The following THBS4 variants were observed in gnomAD, a reference collection of about 807,000 sequenced individuals.
The protein encoded by THBS4 is thrombospondin 4.
In THBS4, 90 loss-of-function variants were observed where a neutral mutation model predicts 115.7. The observed-to-expected ratio is 0.78, with a 90% CI of 0.66 to 0.93. The LOEUF (loss-of-function observed/expected upper bound fraction) is 0.93. THBS4 is among the 40% of genes least tolerant of loss of function. The pLI is 0.00. For missense variants in THBS4, 1,087 were observed against 1,232.7 expected, an observed-to-expected ratio of 0.88 and a Z score of 1.77; for synonymous variants, 460 against 479.3, an observed-to-expected ratio of 0.96 and a Z score of 0.53.
chr5:80,020,152 C>T (rs1561295776), intron 2 of THBS4, among the ~76,000 whole-genome samples: 1 of 152,172 alleles, frequency 6.6e-6, no homozygotes, highest in African/African-American at 2.4e-5. Context: ...GAAGGGTCCC[C>T]TCTTCCAAGG....
intron 9 of THBS4, among the ~76,000 whole-genome samples, chr5:80,066,132 A>T (rs958475388): frequency 6.6e-6 from 1 of 150,726 alleles, no homozygotes; most frequent in African/African-American, 2.4e-5. Context: ...AAAACTTTTC[A>T]TTGTATTAAA....
intron 2 of THBS4, among the ~76,000 whole-genome samples, chr5:80,007,139 G>A (rs1832034834): frequency 6.6e-6 from 1 of 152,182 alleles, no homozygotes; most frequent in Non-Finnish European, 1.5e-5. Context: ...ATAAAGCTTA[G>A]GAGTGTTCAT....
intron 1 of THBS4, among the ~76,000 whole-genome samples, chr5:80,038,403 T>C (rs144244377): frequency 0.01 from 1,529 of 152,302 alleles, 106 homozygotes; most frequent in Admixed American, 0.085. Flanking sequence ...TAGGTAGTAT[T>C]CTGCTTTTTG....
At chr5:80,057,625 G>A (rs922362847) in intron 3 of THBS4, among the ~76,000 whole-genome samples, 1 of 152,128 alleles carries the variant, frequency 6.6e-6, no homozygotes, top group Non-Finnish European at 1.5e-5. Flanking sequence ...GTTGTATATA[G>A]ATATAATAAA....
At chr5:80,009,559 C>G (rs1215976859) in intron 2 of THBS4, among the ~76,000 whole-genome samples, 6 of 152,002 alleles carry the variant, frequency 3.9e-5, no homozygotes, top group Non-Finnish European at 8.8e-5. Flanking sequence ...ATTCCTTCCT[C>G]CAAGGAATTT....
chr5:80,070,241 T>A (rs1833984746), intron 10 of THBS4, 65 bp from the exon 11 acceptor site: 1 of 1,410,026 alleles, frequency 7.1e-7, no homozygotes, highest in Non-Finnish European at 9.6e-7. Context: ...AGAGAGGCCC[T>A]TGTCAGCCAC....
At chr5:80,030,941 A>G (rs987966387), upstream of THBS4, among the ~76,000 whole-genome samples, 2 of 152,184 alleles carry the variant, frequency 1.3e-5, no homozygotes, top group African/African-American at 4.8e-5. Context: ...TAAAACTTCT[A>G]CTTAGTTGTG....
intron 9 of THBS4, 22 bp from the exon 10 acceptor site, chr5:80,067,951 A>C: frequency 1.2e-6 from 2 of 1,612,552 alleles, no homozygotes; most frequent in Non-Finnish European, 1.7e-6. Context: ...TCAGCTCATC[A>C]CCTGATCTTT....
chr5:80,012,142 T>G (rs573700509), intron 2 of THBS4, among the ~76,000 whole-genome samples: 7 of 151,366 alleles, frequency 4.6e-5, no homozygotes, highest in Non-Finnish European at 8.8e-5. Context: ...AATAAATAAA[T>G]AAAATTTAAA....
At chr5:80,026,596 C>T (rs1462960560) in intron 2 of THBS4, among the ~76,000 whole-genome samples, 1 of 152,216 alleles carries the variant, frequency 6.6e-6, no homozygotes, top group Non-Finnish European at 1.5e-5. Context: ...ATGGACACAG[C>T]ATTGCTGTAT....
chr5:80,066,668 A>G (rs1469786276), intron 9 of THBS4: 1 of 152,270 alleles, frequency 6.6e-6, no homozygotes, highest in Non-Finnish European at 1.5e-5. Flanking sequence ...CAGGTTGGCT[A>G]CAGAGCCTGA....
intron 8 of THBS4, among the ~76,000 whole-genome samples, chr5:80,063,847 G>A (rs1315091093): frequency 6.6e-6 from 1 of 152,208 alleles, no homozygotes; most frequent in African/African-American, 2.4e-5. Context: ...GCATTCCAAA[G>A]TCAAAGAAAA....
chr5:80,059,735 A>G lies in THBS4; in HGVS notation c.817A>G (p.Thr273Ala), dbSNP rs773721444. Residue 273 changes from threonine to alanine, a missense_variant, in exon 7 of 22, where the codon ACG (threonine) becomes GCG (alanine). By Grantham distance (58) the Thr-to-Ala change is moderately conservative (BLOSUM62 0). Transcript: ENST00000350881. ...PLKFQSPTPS[T>A]VVPPAPPAPP... ...CAAGTTTCAGTCTCCGACCCCAAGC[A>G]CGGTGGTGCCCCCGGCTCCCCCTGC... 2 of 1,614,216 alleles carry G rather than the reference A, an allele frequency of 1.2e-6. No individual in the cohort carries two copies. The highest frequency in any genetic ancestry group is 3.3e-5 in the Admixed American group (2 of 60,030).
At chr5:80,058,575 C>A in intron 4 of THBS4, 133 bp from the exon 5 acceptor site, 1 of 792,882 alleles carries the variant, frequency 1.3e-6, no homozygotes. Context: ...GAAATTACCC[C>A]AAATTAAATT....
At chr5:80,003,812 C>T (rs748061896) in intron 2 of THBS4, among the ~76,000 whole-genome samples, 5 of 152,208 alleles carry the variant, frequency 3.3e-5, no homozygotes, top group South Asian at 2.1e-4. Context: ...CATAGTTAAT[C>T]GTCCTCTATA....
chr5:80,063,058 G>A (rs1833695267), intron 8 of THBS4, among the ~76,000 whole-genome samples: 1 of 152,192 alleles, frequency 6.6e-6, no homozygotes, highest in African/African-American at 2.4e-5. Context: ...CCAGTAATGG[G>A]ATGGCTGGGT....
intron 2 of THBS4, among the ~76,000 whole-genome samples, chr5:80,011,381 C>CCATAGTTGCCACGGA (rs1561292687): frequency 6.6e-6 from 1 of 152,092 alleles, no homozygotes; most frequent in African/African-American, 2.4e-5. Flanking sequence ...AGAACAGCCA[C>CCATAGTTGCCACGGA]CATAGTTGCC....
At chr5:80,032,548 C>CA (rs11386965), upstream of THBS4, among the ~76,000 whole-genome samples, 37,880 of 152,014 alleles carry the variant, frequency 0.25, 5,412 homozygotes, top group African/African-American at 0.39. Flanking sequence ...CCCAACACCT[C>CA]AAGTAGGGAA....
At chr5:80,024,117 GT>G (rs1832430553) in intron 2 of THBS4, among the ~76,000 whole-genome samples, 1 of 152,098 alleles carries the variant, frequency 6.6e-6, no homozygotes, top group Admixed American at 6.5e-5. Flanking sequence ...TGGGTTAAGT[GT>G]TTATATTCAT....
Sources: allele counts gnomAD v4.1 joint callset (sites outside exome capture counted in the v4.1 genomes callset), GRCh38; gene constraint gnomAD v4.1.1; transcripts MANE v1.5; gene names NCBI Gene and HGNC (gene_info 2026-07-23, HGNC 2026-07-21).